Variants in FAAH2 observed in about 807,000 individuals in gnomAD.
The protein encoded by FAAH2 is fatty acid amide hydrolase 2, also known as fatty-acid amide hydrolase 2.
FAAH2 carries 60 observed loss-of-function variants against 36.9 expected under a neutral mutation model. The observed-to-expected ratio is 1.63, with a 90% CI of 1.32 to 2.02. The LOEUF is 2.02. FAAH2 is among the 30% of genes most tolerant of loss of function. The probability of loss-of-function intolerance (pLI) is 0.00; values close to 1 mark genes in which losing one functional copy is unlikely to be tolerated. For missense variants in FAAH2, 689 were observed against 397.5 expected (o/e 1.73, Z -6.23); for synonymous variants, 214 against 143.8 (o/e 1.49, Z -3.49).
the FAAH2 span, among the ~76,000 whole-genome samples, chrX:57,215,841 CA>C: frequency 9.5e-6 from 1 of 105,539 alleles, no homozygotes; most frequent in Non-Finnish European, 1.9e-5. Context: ...GGAAGGAGAG[CA>C]TCAGGACAAA....
the FAAH2 span, among the ~76,000 whole-genome samples, chrX:57,218,494 A>G: frequency 1.8e-5 from 2 of 112,052 alleles, no homozygotes; most frequent in Non-Finnish European, 3.8e-5. Context: ...TATATGGTGT[A>G]TCACATTTAT....
chrX:57,324,651 T>G (rs2053152982), intron 3 of FAAH2, among the ~76,000 whole-genome samples: 1 of 112,175 alleles, frequency 8.9e-6, no homozygotes, highest in African/African-American at 3.2e-5. Context: ...TTTCTGTTAT[T>G]GGTGTATAAG....
At chrX:57,339,171 C>T (rs1464144254) in intron 4 of FAAH2, among the ~76,000 whole-genome samples, 2 of 111,785 alleles carry the variant, frequency 1.8e-5, no homozygotes, top group East Asian at 5.6e-4. Context: ...GGAACGGATT[C>T]TCTATTTAAT....
chrX:57,378,229 G>A, intron 5 of FAAH2, among the ~76,000 whole-genome samples: 1 of 111,914 alleles, frequency 8.9e-6, no homozygotes. Context: ...CTTCTGTTTA[G>A]GTATCAGGTT....
chrX:57,142,285 G>C, the FAAH2 span, among the ~76,000 whole-genome samples: 1 of 111,401 alleles, frequency 9.0e-6, no homozygotes, highest in Non-Finnish European at 1.9e-5. Flanking sequence ...GTGTTCTGTA[G>C]GTTTTGGTAT....
At chrX:57,370,792 G>A (rs1227402478) in intron 5 of FAAH2, among the ~76,000 whole-genome samples, 2 of 111,747 alleles carry the variant, frequency 1.8e-5, no homozygotes, top group Non-Finnish European at 3.8e-5. Context: ...TGAGTATGCA[G>A]GGGATCTAGG....
intron 10 of FAAH2, among the ~76,000 whole-genome samples, chrX:57,472,208 A>G (rs2057181831): frequency 8.9e-6 from 1 of 112,180 alleles, no homozygotes. Context: ...CTAAAACACC[A>G]AAAGCAATGG....
chrX:57,257,715 C>A, the FAAH2 span, among the ~76,000 whole-genome samples: 1 of 110,528 alleles, frequency 9.0e-6, no homozygotes, highest in Non-Finnish European at 1.9e-5. Context: ...TAAAATCATA[C>A]CATTTGTAAT....
chrX:57,304,651 C>A (rs188488606), intron 2 of FAAH2, among the ~76,000 whole-genome samples: 143 of 111,752 alleles, frequency 1.3e-3, no homozygotes, highest in African/African-American at 4.4e-3. Context: ...AGGCATATGG[C>A]AGTACAATAA....
chrX:57,225,671 AGTTTAAATCCATT>A, the FAAH2 span, among the ~76,000 whole-genome samples: 1 of 111,889 alleles, frequency 8.9e-6, no homozygotes, highest in South Asian at 3.7e-4. Context: ...TCCAAGGTAT[AGTTTAAATCCATT>A]GTTTCTTTGT....
the FAAH2 span, among the ~76,000 whole-genome samples, chrX:57,255,735 C>T: frequency 8.9e-6 from 1 of 111,836 alleles, no homozygotes; most frequent in African/African-American, 3.3e-5. Context: ...GCCTTTCATG[C>T]TAACAACTCT....
intron 10 of FAAH2, among the ~76,000 whole-genome samples, chrX:57,469,743 G>T (rs189181298): frequency 2.6e-4 from 29 of 111,685 alleles, no homozygotes; most frequent in African/African-American, 9.4e-4. Flanking sequence ...TCTGCACCAA[G>T]CGGACCTAAT....
intron 5 of FAAH2, among the ~76,000 whole-genome samples, chrX:57,355,153 A>G (rs1439898891): frequency 9.0e-6 from 1 of 111,238 alleles, no homozygotes. Context: ...CCCACCTTTG[A>G]AAATGAGATA....
chrX:57,485,538 C>T (rs980187490), intron 10 of FAAH2, among the ~76,000 whole-genome samples: 10 of 111,920 alleles, frequency 8.9e-5, no homozygotes, highest in Non-Finnish European at 1.5e-4. Context: ...TCCTCCCTAG[C>T]CCAGGGGAAG....
chrX:57,291,282 C>G (rs1286720158), intron 1 of FAAH2, among the ~76,000 whole-genome samples: 1 of 111,946 alleles, frequency 8.9e-6, no homozygotes, highest in Non-Finnish European at 1.9e-5. Context: ...TATTTGCCAG[C>G]TTTATTAAAA....
chrX:57,420,108 T>G (rs1013687178), intron 7 of FAAH2, among the ~76,000 whole-genome samples: 4 of 111,955 alleles, frequency 3.6e-5, no homozygotes, highest in Non-Finnish European at 5.6e-5. Flanking sequence ...ACCATGCTGT[T>G]TTGGTTACTG....
chrX:57,463,893 A>G (rs1410406081), intron 10 of FAAH2, among the ~76,000 whole-genome samples: 4 of 111,849 alleles, frequency 3.6e-5, no homozygotes, highest in African/African-American at 1.3e-4. Context: ...CCTAGCAATC[A>G]CAGTACAGGG....
chrX:57,181,280 G>A, the FAAH2 span, among the ~76,000 whole-genome samples: 1 of 111,691 alleles, frequency 9.0e-6, no homozygotes, highest in Non-Finnish European at 1.9e-5. Context: ...ATCAAAATAA[G>A]AGAAAAGGAA....
chrX:57,299,688 A>T (rs1294315713), intron 2 of FAAH2, among the ~76,000 whole-genome samples: 1 of 111,816 alleles, frequency 8.9e-6, no homozygotes, highest in Non-Finnish European at 1.9e-5. Context: ...AGATGACATG[A>T]TTGTATATCT....
Sources: allele counts gnomAD v4.1 joint callset (sites outside exome capture counted in the v4.1 genomes callset), GRCh38; gene constraint gnomAD v4.1.1; transcripts MANE v1.5; gene names NCBI Gene and HGNC (gene_info 2026-07-23, HGNC 2026-07-21).